MID2: variants seen among roughly 807,000 people sequenced by gnomAD.
MID2 encodes the protein probable E3 ubiquitin-protein ligase MID2.
Under a neutral mutation model 46.1 loss-of-function variants are expected in MID2, and 13 were observed. That is an observed-to-expected ratio of 0.28 (90% CI 0.18 to 0.45). MID2 has a LOEUF of 0.45. Ranked by LOEUF, MID2 falls within the 20% of genes least tolerant of loss-of-function variation. MID2 has a pLI of 1.00. For synonymous variants in MID2, 199 were observed against 212.3 expected (o/e 0.94, Z 0.55); for missense variants, 431 against 575.4 (o/e 0.75, Z 2.57).
intron 1 of MID2, among the ~76,000 whole-genome samples, chrX:107,831,860 C>T (rs187228108): frequency 2.7e-5 from 3 of 111,807 alleles, no homozygotes; most frequent in African/African-American, 9.7e-5. Flanking sequence ...GTTCCTCAAC[C>T]CTGCAACTGC....
At chrX:107,905,743 T>C in intron 5 of MID2, 117 bp downstream of exon 5, 1 of 608,063 alleles carries the variant, frequency 1.6e-6, no homozygotes, top group Non-Finnish European at 2.5e-6. Context: ...ACCAGTTAAG[T>C]AGTTATTGAG....
At chrX:107,916,721 A>G (rs1414488527) in intron 6 of MID2, among the ~76,000 whole-genome samples, 1 of 112,785 alleles carries the variant, frequency 8.9e-6, no homozygotes, top group African/African-American at 3.2e-5. Context: ...TTGAACATCT[A>G]CTTTATTCTA....
In MID2 at chrX:107,926,968, G is replaced by C; in HGVS notation, c.2103G>C (p.Leu701=). The C allele has an allele frequency of 8.3e-7, 1 of 1,211,016 alleles. No individual in the cohort carries two copies. Among genetic ancestry groups the C allele is most frequent in the African/African-American group, 1.7e-5 (1 of 57,678 alleles). Residue 701 remains leucine (L), a synonymous_variant, in exon 10 of 10, where the codon CTG becomes CTC. Coordinates refer to ENST00000262843, the MANE Select transcript of MID2 (RefSeq NM_012216.4). ...FTIWNKSLMI[L]SGLPAPDFID... is the part of the protein sequence containing the mutation. Reference sequence around the variant, plus strand: ...TCTGGAACAAATCCCTAATGATCCTGTCTGGCTTGCCTGCCCCAGATTTTA... The same window carrying C: ...TCTGGAACAAATCCCTAATGATCCTCTCTGGCTTGCCTGCCCCAGATTTTA...
chrX:107,921,258 G>T (rs1031846949), intron 7 of MID2, among the ~76,000 whole-genome samples: 6 of 110,670 alleles, frequency 5.4e-5, no homozygotes, highest in African/African-American at 1.3e-4. Context: ...TCCTTATTTT[G>T]ATTTTTTCTG....
intron 5 of MID2, among the ~76,000 whole-genome samples, chrX:107,912,757 G>A (rs750855414): frequency 1.8e-5 from 2 of 110,845 alleles, no homozygotes; most frequent in African/African-American, 3.3e-5. Context: ...CTTTGCATAG[G>A]CTCAGGTATA....
At chrX:107,898,815 A>C (rs1294350055) in intron 3 of MID2, among the ~76,000 whole-genome samples, 1 of 112,339 alleles carries the variant, frequency 8.9e-6, no homozygotes, top group Non-Finnish European at 1.9e-5. Flanking sequence ...TTTGGGCAGA[A>C]GATTTCAGAG....
intron 1 of MID2, among the ~76,000 whole-genome samples, chrX:107,827,676 C>T (rs376761422): frequency 9.1e-6 from 1 of 110,386 alleles, no homozygotes; most frequent in Non-Finnish European, 1.9e-5. Flanking sequence ...AGGGAGTTCT[C>T]CTCCCCTACT....
chrX:107,859,919 A>G (rs7053430), intron 3 of MID2, among the ~76,000 whole-genome samples: 33,507 of 110,866 alleles, frequency 0.3, 7,022 homozygotes, highest in African/African-American at 0.76. Flanking sequence ...CCCAAATAAT[A>G]AAGAGCCTTG....
chrX:107,868,367 A>T (rs1293706292), intron 3 of MID2, among the ~76,000 whole-genome samples: 1 of 111,805 alleles, frequency 8.9e-6, no homozygotes, highest in Non-Finnish European at 1.9e-5. Context: ...TGATCTTTTA[A>T]ATAATGATTT....
chrX:107,839,258 C>G (rs1931275119), intron 1 of MID2, among the ~76,000 whole-genome samples: 1 of 111,579 alleles, frequency 9.0e-6, no homozygotes, highest in Non-Finnish European at 1.9e-5. Context: ...ATGGAAGACT[C>G]TAGGCAATTA....
chrX:107,865,131 C>A (rs73529322), intron 3 of MID2, among the ~76,000 whole-genome samples: 2,099 of 111,931 alleles, frequency 0.019, 51 homozygotes, highest in African/African-American at 0.064. Flanking sequence ...GAGGTCCTTG[C>A]TCTTAATGAC....
At chrX:107,908,039 A>G (rs1013027244) in intron 5 of MID2, among the ~76,000 whole-genome samples, 4 of 112,234 alleles carry the variant, frequency 3.6e-5, no homozygotes, top group African/African-American at 1.3e-4. Flanking sequence ...CTTGCTTACA[A>G]TTGTCCAACT....
At chrX:107,917,857 G>A in intron 7 of MID2, 118 bp downstream of exon 7, 3 of 608,776 alleles carry the variant, frequency 4.9e-6, no homozygotes, top group South Asian at 2.9e-5. Context: ...ATATTTCCTT[G>A]CTGGGCAGTT....
At chrX:107,906,783 G>A (rs780967144) in intron 5 of MID2, among the ~76,000 whole-genome samples, 1 of 111,502 alleles carries the variant, frequency 9.0e-6, no homozygotes, top group South Asian at 3.8e-4. Context: ...ATGGGGTTTC[G>A]CCATTTTGGC....
intron 3 of MID2, among the ~76,000 whole-genome samples, chrX:107,886,025 C>T (rs188825251): frequency 0.018 from 2,047 of 111,692 alleles, 52 homozygotes; most frequent in African/African-American, 0.062. Flanking sequence ...GATATTAGCC[C>T]TTTGTTAGAT....
chrX:107,851,897 TTATTA>T (rs1249704078), intron 2 of MID2, among the ~76,000 whole-genome samples: 4 of 104,964 alleles, frequency 3.8e-5, no homozygotes, highest in Admixed American at 1.0e-4. Context: ...ATTTATTTAT[TTATTA>T]TTTTTTTGAG....
intron 1 of MID2, among the ~76,000 whole-genome samples, chrX:107,832,469 A>T (rs748580436): frequency 8.9e-6 from 1 of 111,836 alleles, no homozygotes; most frequent in Admixed American, 9.5e-5. Context: ...TGAATGTATG[A>T]TGAGAATACC....
At chrX:107,876,473 C>T (rs1368567554) in intron 3 of MID2, among the ~76,000 whole-genome samples, 3 of 111,338 alleles carry the variant, frequency 2.7e-5, no homozygotes, top group Admixed American at 9.5e-5. Context: ...TGGTCTGTCA[C>T]GGGTAGCTTC....
intron 3 of MID2, among the ~76,000 whole-genome samples, chrX:107,877,122 A>T (rs1932218485): frequency 8.9e-6 from 1 of 112,077 alleles, no homozygotes; most frequent in South Asian, 3.7e-4. Flanking sequence ...CGGAGGGCTG[A>T]ACCAATCCTA....
Sources: allele counts gnomAD v4.1 joint callset (sites outside exome capture counted in the v4.1 genomes callset), GRCh38; gene constraint gnomAD v4.1.1; transcripts MANE v1.5; gene names NCBI Gene and HGNC (gene_info 2026-07-23, HGNC 2026-07-21).